Variants in NPIPA6 observed in about 807,000 individuals in gnomAD.
NPIPA6 encodes the protein nuclear pore complex-interacting protein family member A6.
At chr16:16,343,174 C>CCT in the NPIPA6 span, among the ~76,000 whole-genome samples, 2 of 145,828 alleles carry the variant, frequency 1.4e-5, no homozygotes, top group Non-Finnish European at 3.0e-5. Flanking sequence ...CTCACTGCAA[C>CCT]CTCTGCCTCT....
At chr16:16,331,955 T>G in the NPIPA6 span, 8 of 409,136 alleles carry the variant, frequency 2.0e-5, 1 homozygote, top group South Asian at 1.5e-4. Context: ...GCCATCCTCT[T>G]TCTCTTCCGG....
chr16:16,343,400 T>A, the NPIPA6 span, among the ~76,000 whole-genome samples: 5 of 47,576 alleles, frequency 1.1e-4, no homozygotes, highest in South Asian at 8.3e-4. Flanking sequence ...CTATATATTT[T>A]TTTTTTTTTT....
the NPIPA6 span, chr16:16,336,648 C>A: frequency 6.7e-6 from 1 of 148,942 alleles, no homozygotes; most frequent in Non-Finnish European, 1.2e-5. Flanking sequence ...TGCCCTAAGC[C>A]ACCTCCACCT....
At chr16:16,339,188 A>G in the NPIPA6 span, among the ~76,000 whole-genome samples, 8 of 16,056 alleles carry the variant, frequency 5.0e-4, no homozygotes, top group African/African-American at 7.5e-4. Flanking sequence ...ACAGAGCAAG[A>G]CTTTGTCTCA....
At chr16:16,338,120 C>T in the NPIPA6 span, among the ~76,000 whole-genome samples, 20 of 82,656 alleles carry the variant, frequency 2.4e-4, no homozygotes, top group African/African-American at 1.3e-3. Flanking sequence ...CCATTTCAGA[C>T]TCAGCATATG....
At chr16:16,338,235 TC>T in the NPIPA6 span, among the ~76,000 whole-genome samples, 1 of 65,754 alleles carries the variant, frequency 1.5e-5, no homozygotes, top group African/African-American at 9.0e-5. Context: ...TCCTGAGGAA[TC>T]GATGTAGAAA....
the NPIPA6 span, chr16:16,336,679 C>T: frequency 1.1e-4 from 11 of 98,646 alleles, no homozygotes; most frequent in Admixed American, 4.0e-4. Flanking sequence ...TGCCTCAGGG[C>T]GCCCTGAAAG....
the NPIPA6 span, among the ~76,000 whole-genome samples, chr16:16,343,324 CTT>C: frequency 8.8e-6 from 1 of 113,630 alleles, no homozygotes; most frequent in African/African-American, 3.5e-5. Context: ...ATCTCTTGAC[CTT>C]GTGATTCACC....
chr16:16,343,764 A>G, the NPIPA6 span, among the ~76,000 whole-genome samples: 1 of 68,346 alleles, frequency 1.5e-5, no homozygotes, highest in African/African-American at 6.0e-5. Flanking sequence ...TCTGTCACTC[A>G]GGCTGGAGTG....
the NPIPA6 span, among the ~76,000 whole-genome samples, chr16:16,338,410 G>C: frequency 8.4e-6 from 1 of 118,428 alleles, no homozygotes; most frequent in Admixed American, 8.6e-5. Context: ...TTTTGAGACA[G>C]AGTCTCGCTC....
chr16:16,343,706 TTGTGTGTTGTG>T, the NPIPA6 span, among the ~76,000 whole-genome samples: 1 of 111,024 alleles, frequency 9.0e-6, no homozygotes, highest in Non-Finnish European at 1.8e-5. Flanking sequence ...CATGTCATTC[TTGTGTGTTGTG>T]TGTGTGTGTG....
the NPIPA6 span, among the ~76,000 whole-genome samples, chr16:16,343,068 C>A: frequency 9.8e-6 from 1 of 101,628 alleles, no homozygotes; most frequent in Admixed American, 9.9e-5. Flanking sequence ...GTGTACAGTT[C>A]AGTTGTGTGA....
At chr16:16,337,323 C>G in the NPIPA6 span, 1 of 96,644 alleles carries the variant, frequency 1.0e-5, no homozygotes, top group Non-Finnish European at 1.9e-5. Context: ...TTCCGGGGTT[C>G]AAGCAATTGT....
chr16:16,338,368 A>T, the NPIPA6 span, among the ~76,000 whole-genome samples: 1 of 113,660 alleles, frequency 8.8e-6, no homozygotes, highest in African/African-American at 3.9e-5. Flanking sequence ...CATTTTCATG[A>T]TCTCCACCTT....
At chr16:16,338,690 GT>G in the NPIPA6 span, among the ~76,000 whole-genome samples, 2 of 69,238 alleles carry the variant, frequency 2.9e-5, no homozygotes, top group Non-Finnish European at 6.2e-5. Flanking sequence ...AGCCCACCTT[GT>G]TACTTTTTAA....
At chr16:16,338,804 C>A in the NPIPA6 span, among the ~76,000 whole-genome samples, 2 of 111,514 alleles carry the variant, frequency 1.8e-5, no homozygotes, top group African/African-American at 2.8e-5. Flanking sequence ...TCATATAATC[C>A]AAGAGAGAAG....
At chr16:16,337,183 A>G in the NPIPA6 span, among the ~76,000 whole-genome samples, 1 of 108,668 alleles carries the variant, frequency 9.2e-6, no homozygotes, top group Non-Finnish European at 1.8e-5. Flanking sequence ...ACGGACCAAA[A>G]CAAAGTGAAA....
At chr16:16,343,093 AT>A in the NPIPA6 span, among the ~76,000 whole-genome samples, 10,662 of 79,674 alleles carry the variant, frequency 0.13, 39 homozygotes, top group African/African-American at 0.16. Context: ...TATTCATGTC[AT>A]TTTTTTTTTT....
At chr16:16,332,774 CAAAAAA>C in the NPIPA6 span, among the ~76,000 whole-genome samples, 1 of 32 alleles carries the variant, frequency 0.031, no homozygotes, top group African/African-American at 0.033. Flanking sequence ...ACTCCGTCTC[CAAAAAA>C]AAAAAAAAAA....
Sources: allele counts gnomAD v4.1 joint callset (sites outside exome capture counted in the v4.1 genomes callset), GRCh38; gene constraint gnomAD v4.1.1; transcripts MANE v1.5; gene names NCBI Gene and HGNC (gene_info 2026-07-23, HGNC 2026-07-21).